ACOT2: variants seen among roughly 807,000 people sequenced by gnomAD.
The protein encoded by ACOT2 is acyl-CoA thioesterase 2, also known as acyl-coenzyme A thioesterase 2, mitochondrial.
Under a neutral mutation model 20.1 loss-of-function variants are expected in ACOT2, and 15 were observed. The observed-to-expected ratio is 0.75, with a 90% CI of 0.50 to 1.15. The LOEUF is 1.15. Among genes scored for constraint, ACOT2 ranks in the 50% most tolerant of loss-of-function variants. The pLI is 0.00. For synonymous variants in ACOT2, 252 were observed against 268.4 expected (o/e 0.94, Z 0.60); for missense variants, 479 against 615.3 (o/e 0.78, Z 2.34).
At chr14:73,567,670 T>G (rs1371066341), upstream of ACOT2, 1 of 152,096 alleles carries the variant, frequency 6.6e-6, no homozygotes, top group African/African-American at 2.4e-5. Context: ...TCTTTTGTAC[T>G]TCACAATAAA....
At chr14:73,571,007 T>C (rs1412745608) in intron 1 of ACOT2, among the ~76,000 whole-genome samples, 4 of 149,700 alleles carry the variant, frequency 2.7e-5, no homozygotes, top group Non-Finnish European at 4.4e-5. Flanking sequence ...GAATTCCGAC[T>C]GGTTTTCTCA....
In ACOT2 at chr14:73,573,255, T is replaced by C. The variant is rs1003468790; in HGVS notation, c.644-133T>C. 6.2e-5 allele frequency: 83 copies of C among 1,345,668 alleles called. 1 individual carries two copies. The highest frequency in any genetic ancestry group is 6.2e-5 in the Non-Finnish European group (59 of 944,566). The allele number at this position is 1,345,668 out of a possible 1,614,324, so 83.4% of individuals were successfully genotyped here. Reference sequence around the variant, plus strand: ...GCCAGAGGTTTCTGGACGAACAGGTTTTCATTTCTCGTGGGTAGATACCTA... The same window carrying C: ...GCCAGAGGTTTCTGGACGAACAGGTCTTCATTTCTCGTGGGTAGATACCTA... On this transcript the variant is annotated intron_variant, in intron 1 of 2. Transcript: ENST00000238651.
At chr14:73,571,548 G>A (rs1186679994) in intron 1 of ACOT2, 1 of 151,944 alleles carries the variant, frequency 6.6e-6, no homozygotes, top group Non-Finnish European at 1.5e-5. Flanking sequence ...AGCAGGGTGA[G>A]GTACTGCTTC....
upstream of ACOT2, chr14:73,569,121 G>C: frequency 8.3e-7 from 1 of 1,207,884 alleles, no homozygotes; most frequent in Non-Finnish European, 1.2e-6. Context: ...GAGACTTTAA[G>C]CAAGTTCCAG....
upstream of ACOT2, chr14:73,567,983 C>A (rs1421406490): frequency 6.6e-6 from 1 of 152,142 alleles, no homozygotes; most frequent in African/African-American, 2.4e-5. Context: ...AGAACTGTAA[C>A]AGTCACTGCG....
At chr14:73,570,716 C>T (rs554953371) in intron 1 of ACOT2, among the ~76,000 whole-genome samples, 4 of 151,946 alleles carry the variant, frequency 2.6e-5, no homozygotes, top group South Asian at 2.1e-4. Flanking sequence ...ACCAGCCTGG[C>T]CAACATGGTG....
At chr14:73,568,760 T>G (rs1331374139), upstream of ACOT2, among the ~76,000 whole-genome samples, 1 of 151,954 alleles carries the variant, frequency 6.6e-6, no homozygotes, top group South Asian at 2.1e-4. Flanking sequence ...TTTACACTTG[T>G]AAGGAATGAA....
At chr14:73,574,657 C>T (rs183697195) in intron 2 of ACOT2, among the ~76,000 whole-genome samples, 13 of 151,944 alleles carry the variant, frequency 8.6e-5, no homozygotes, top group South Asian at 6.2e-4. Context: ...ATGGGAGATA[C>T]GAGATTAAGG....
chr14:73,569,087 C>A, upstream of ACOT2: 2 of 919,724 alleles, frequency 2.2e-6, no homozygotes, highest in Non-Finnish European at 3.3e-6. Flanking sequence ...AGCTTTCCAA[C>A]ATAAAGTGGA....
At chr14:73,571,807 A>G (rs1046567372) in intron 1 of ACOT2, 9 of 152,090 alleles carry the variant, frequency 5.9e-5, no homozygotes, top group Admixed American at 5.2e-4. Context: ...CAGTATGTTA[A>G]GATTTATGTA....
At position 73,573,391 on chromosome 14, in the gene ACOT2, C is replaced by G. The variant is rs146749806; in HGVS notation, c.647C>G (p.Pro216Arg). 5.0e-6 allele frequency: 8 copies of G among 1,613,562 alleles called. No homozygotes were observed. Among genetic ancestry groups the G allele is most frequent in the Non-Finnish European group, 6.8e-6 (8 of 1,179,710 alleles). ...VRGTLFLPPE[P>R]GPFPGIVDMF... ...TTTTGTTTTGTTTCTTCCCAAGAAC[C>G]TGGGCCCTTTCCTGGGATTGTGGAC... The change falls in exon 2 of 3, where the codon CCT (proline) becomes CGT (arginine). Residue 216 changes from proline (P) to arginine (R), a missense_variant. Physicochemically the swap from Pro to Arg is moderately radical, Grantham distance 103. This residue lies in a region of ACOT2 where 400 missense variants were observed against 395.5 expected (regional missense o/e 1.01). Coordinates refer to ENST00000238651, the MANE Select transcript of ACOT2 (RefSeq NM_006821.6).
intron 1 of ACOT2, chr14:73,571,701 G>A (rs1246319870): frequency 6.6e-6 from 1 of 151,910 alleles, no homozygotes; most frequent in Non-Finnish European, 1.5e-5. Context: ...GCTCATCGCT[G>A]CCGGGGCACT....
chr14:73,574,396 C>G, intron 2 of ACOT2: 1 of 202,744 alleles, frequency 4.9e-6, no homozygotes, highest in Non-Finnish European at 1.0e-5. Flanking sequence ...TCCCACGTAG[C>G]TGTGACTACA....
At chr14:73,572,415 A>C (rs886820965) in intron 1 of ACOT2, among the ~76,000 whole-genome samples, 10 of 151,980 alleles carry the variant, frequency 6.6e-5, no homozygotes, top group Non-Finnish European at 1.3e-4. Context: ...CTAGGAGAAC[A>C]CATTCAGTAT....
chr14:73,574,774 A>T (rs1284540255), intron 2 of ACOT2, 134 bp from the exon 3 acceptor site: 37 of 1,479,032 alleles, frequency 2.5e-5, no homozygotes, highest in African/African-American at 4.2e-5. Flanking sequence ...TAAATTCTCA[A>T]AGTTGCAAAT....
chr14:73,570,217 G>C lies in ACOT2; in HGVS notation c.643+334G>C, dbSNP rs901396472. ...CAGGAATGGAATGGAAAGCTGATTG[G>C]GGAAGTGTCCCTGCCGCTCCAAAAC... On this transcript the variant is annotated intron_variant, in intron 1 of 2. Coordinates refer to ENST00000238651, the MANE Select transcript of ACOT2 (RefSeq NM_006821.6). 8.6e-5 allele frequency among the ~76,000 whole-genome samples: 13 copies of C among 151,820 alleles called. 1 individual carries two copies.
chr14:73,573,388 A>C lies in ACOT2; in HGVS notation c.644A>C (p.Glu215Ala). The change falls in exon 2 of 3, where the codon GAA becomes GCA. Residue 215 changes from glutamate to alanine, a missense_variant and splice_region_variant. Transcript: ENST00000238651. ...GCATTTTGTTTTGTTTCTTCCCAAG[A>C]ACCTGGGCCCTTTCCTGGGATTGTG... ...RVRGTLFLPP[E>A]PGPFPGIVDM... is the part of the protein sequence containing the mutation. 6.2e-7 allele frequency: 1 copy of C among 1,613,566 alleles called. No individual in the cohort carries two copies. The highest frequency in any genetic ancestry group is 8.5e-7 in the Non-Finnish European group (1 of 1,179,642).
intron 2 of ACOT2, among the ~76,000 whole-genome samples, chr14:73,574,595 T>C (rs1889841078): frequency 6.6e-6 from 1 of 151,768 alleles, no homozygotes; most frequent in Admixed American, 6.6e-5. Context: ...GATGACTCAG[T>C]TTAGTTATGA....
intron 1 of ACOT2, chr14:73,571,604 C>T (rs1315094205): frequency 6.6e-6 from 1 of 151,044 alleles, no homozygotes; most frequent in Non-Finnish European, 1.5e-5. Context: ...ATGCAGCTCC[C>T]TGAGAAGGGG....
Sources: allele counts gnomAD v4.1 joint callset (sites outside exome capture counted in the v4.1 genomes callset), GRCh38; gene constraint gnomAD v4.1.1; regional missense constraint gnomAD v4.1.1; transcripts MANE v1.5; gene names NCBI Gene and HGNC (gene_info 2026-07-23, HGNC 2026-07-21).